Variants in SLC35D2 observed in about 807,000 individuals in gnomAD.
The protein encoded by SLC35D2 is solute carrier family 35 member D2.
A neutral mutation model predicts 41.8 loss-of-function variants in SLC35D2; 43 were observed. The observed-to-expected ratio is 1.03, with a 90% confidence interval of 0.81 to 1.33. The LOEUF is 1.33. SLC35D2 is among the 40% of genes most tolerant of loss of function. SLC35D2 has a pLI of 0.00. For missense variants in SLC35D2, 380 were observed against 408.4 expected (o/e 0.93, Z 0.60); for synonymous variants, 150 against 163.9 (o/e 0.92, Z 0.65).
At chr9:96,379,898 CTT>C (rs372665048) in intron 1 of SLC35D2, among the ~76,000 whole-genome samples, 15 of 135,320 alleles carry the variant, frequency 1.1e-4, no homozygotes, top group South Asian at 2.4e-4. Flanking sequence ...AGGCTAGAGC[CTT>C]TTTTTTTTTT....
At position 96,351,097 on chromosome 9, in the gene SLC35D2, T is replaced by C; in HGVS notation, c.488+6A>G. On this transcript the variant is annotated splice_donor_region_variant and intron_variant, in intron 6 of 11. Coordinates refer to ENST00000253270, the MANE Select transcript of SLC35D2 (RefSeq NM_007001.3). ...GTTATTGAGCAGAAACAGTCCAAAG[T>C]CTTACCCAGCTGCTATGAAAGCCCC... 6.2e-7 allele frequency: 1 copy of C among 1,605,528 alleles called. No homozygotes were observed. Among genetic ancestry groups the C allele is most frequent in the Non-Finnish European group, 8.5e-7 (1 of 1,172,230 alleles).
At chr9:96,337,879 G>A (rs1829120534) in intron 8 of SLC35D2, among the ~76,000 whole-genome samples, 2 of 151,348 alleles carry the variant, frequency 1.3e-5, no homozygotes, top group African/African-American at 4.9e-5. Flanking sequence ...CTACTACAGG[G>A]GCTGAGGCAG....
At chr9:96,345,237 T>C in intron 7 of SLC35D2, 62 bp downstream of exon 7, 1 of 832,962 alleles carries the variant, frequency 1.2e-6, no homozygotes, top group Non-Finnish European at 2.0e-6. Context: ...TTCATTTTCA[T>C]TTTTCATATA....
downstream of SLC35D2, among the ~76,000 whole-genome samples, chr9:96,316,502 A>G (rs541849773): frequency 3.6e-3 from 539 of 149,948 alleles, 7 homozygotes; most frequent in Middle Eastern, 3.4e-3. Flanking sequence ...CAAAAAAAAA[A>G]GGGGGGGAAG....
intron 7 of SLC35D2, among the ~76,000 whole-genome samples, chr9:96,344,757 G>C (rs1829504377): frequency 6.6e-6 from 1 of 150,730 alleles, no homozygotes; most frequent in Non-Finnish European, 1.5e-5. Flanking sequence ...GGGCCTCCAC[G>C]TGACAGGCAG....
intron 11 of SLC35D2, 29 bp from the exon 12 acceptor site, chr9:96,321,370 ATGAC>A: frequency 6.5e-7 from 1 of 1,529,966 alleles, no homozygotes; most frequent in Non-Finnish European, 9.0e-7. Flanking sequence ...GTGAAAATAA[ATGAC>A]TGGGAATTTC....
At chr9:96,348,953 G>A (rs1039212702) in intron 6 of SLC35D2, among the ~76,000 whole-genome samples, 12 of 152,114 alleles carry the variant, frequency 7.9e-5, no homozygotes, top group African/African-American at 2.9e-4. Flanking sequence ...TTAACTGGCT[G>A]TAAGTCAGTG....
intron 4 of SLC35D2, among the ~76,000 whole-genome samples, chr9:96,359,364 A>C (rs2130968269): frequency 6.6e-6 from 1 of 151,846 alleles, no homozygotes; most frequent in East Asian, 2.0e-4. Context: ...CATTCCAAGA[A>C]GGATAAGGTA....
intron 9 of SLC35D2, among the ~76,000 whole-genome samples, chr9:96,333,420 C>T (rs1390767950): frequency 6.6e-6 from 1 of 150,672 alleles, no homozygotes; most frequent in Non-Finnish European, 1.5e-5. Context: ...CACGGTGAAA[C>T]CCCGTCTCTA....
At chr9:96,323,357 C>T (rs1469688068) in intron 10 of SLC35D2, among the ~76,000 whole-genome samples, 1 of 152,062 alleles carries the variant, frequency 6.6e-6, no homozygotes, top group African/African-American at 2.4e-5. Context: ...CAAGCAAACA[C>T]CCACACACCA....
intron 8 of SLC35D2, among the ~76,000 whole-genome samples, chr9:96,338,555 CA>C (rs58788876): frequency 0.015 from 1,766 of 115,760 alleles, 16 homozygotes; most frequent in Non-Finnish European, 0.018. Flanking sequence ...GACCCTGTCT[CA>C]AAAAAAAAAA....
intron 9 of SLC35D2, among the ~76,000 whole-genome samples, chr9:96,332,931 G>A (rs970619440): frequency 4.8e-5 from 7 of 145,156 alleles, no homozygotes; most frequent in Non-Finnish European, 9.0e-5. Flanking sequence ...ACAGAGTCTC[G>A]CTCTGTCGCG....
Position 96,368,267 on chromosome 9 carries a change from C to G in SLC35D2, c.192+5G>C, listed in dbSNP as rs762832872. 3.8e-6 allele frequency: 6 copies of G among 1,598,758 alleles called. No homozygotes were observed. In the South Asian group the frequency reaches 6.8e-5, roughly 18 times the overall value. Reference sequence around the variant, plus strand: ...AAGAGGTTAATTCTATTTTTTTTCACTCACCTGTCCAATTCCAAGGAAAAT... The same window carrying G: ...AAGAGGTTAATTCTATTTTTTTTCAGTCACCTGTCCAATTCCAAGGAAAAT... On this transcript the variant is annotated splice_donor_5th_base_variant and intron_variant, in intron 2 of 11. Coordinates refer to ENST00000253270, the MANE Select transcript of SLC35D2 (RefSeq NM_007001.3).
At position 96,365,736 on chromosome 9, in the gene SLC35D2, T is replaced by A. The variant is rs542390419; in HGVS notation, c.193-1186A>T. On this transcript the variant is annotated intron_variant, in intron 2 of 11. Transcript: ENST00000253270. ...TAGCAAAAATGTCTCCTTCAAATCC[T>A]CTTAATCTGGAGTACCCTAGGTATA... Among the ~76,000 whole-genome samples the A allele has an allele frequency of 2.0e-5, 3 of 152,290 alleles. No homozygotes were observed. In the South Asian group the frequency reaches 6.2e-4, roughly 32 times the overall value.
intron 6 of SLC35D2, among the ~76,000 whole-genome samples, chr9:96,349,994 A>G (rs753676304): frequency 6.8e-4 from 104 of 152,116 alleles, no homozygotes; most frequent in Non-Finnish European, 1.2e-3. Flanking sequence ...ACTGCTGTCT[A>G]ATGGGTGCTG....
At chr9:96,317,725 T>A (rs1419390325), downstream of SLC35D2, among the ~76,000 whole-genome samples, 7 of 152,244 alleles carry the variant, frequency 4.6e-5, no homozygotes, top group African/African-American at 1.7e-4. Context: ...CAGGAGGTAG[T>A]TAACAAAAGT....
At chr9:96,318,228 G>A (rs1828105776), downstream of SLC35D2, among the ~76,000 whole-genome samples, 1 of 152,114 alleles carries the variant, frequency 6.6e-6, no homozygotes. Flanking sequence ...AGGAGGCCAG[G>A]GTGGGAGAAT....
chr9:96,379,381 A>G (rs1831096698), intron 1 of SLC35D2, among the ~76,000 whole-genome samples: 1 of 152,100 alleles, frequency 6.6e-6, no homozygotes, highest in African/African-American at 2.4e-5. Context: ...TCTCGCCCCA[A>G]TAGGTTCTCA....
intron 7 of SLC35D2, among the ~76,000 whole-genome samples, chr9:96,344,603 C>G (rs1352695398): frequency 1.5e-5 from 2 of 132,006 alleles, no homozygotes; most frequent in Non-Finnish European, 3.2e-5. Flanking sequence ...AAAAAAATAG[C>G]TCATGGAAAT....
Sources: allele counts gnomAD v4.1 joint callset (sites outside exome capture counted in the v4.1 genomes callset), GRCh38; gene constraint gnomAD v4.1.1; transcripts MANE v1.5; gene names NCBI Gene and HGNC (gene_info 2026-07-23, HGNC 2026-07-21).